Variants in FHIT observed in about 807,000 individuals in gnomAD.
FHIT encodes the protein fragile histidine triad diadenosine triphosphatase.
A neutral mutation model predicts 17.9 loss-of-function variants in FHIT; 19 were observed. The ratio of observed to expected loss-of-function variants is 1.06; its 90% confidence interval spans 0.74 to 1.56. The LOEUF is 1.56. FHIT is among the 40% of genes most tolerant of loss of function. The pLI is 0.00. For missense variants in FHIT, 248 were observed against 189.2 expected, an observed-to-expected ratio of 1.31 and a Z score of -1.82; for synonymous variants, 81 against 69.7, an observed-to-expected ratio of 1.16 and a Z score of -0.81.
chr3:61,174,882 T>C (rs992990241), intron 2 of FHIT, among the ~76,000 whole-genome samples: 1 of 152,214 alleles, frequency 6.6e-6, no homozygotes, highest in African/African-American at 2.4e-5. Context: ...GTCCTATTCA[T>C]CAGCCTTTCT....
intron 8 of FHIT, among the ~76,000 whole-genome samples, chr3:59,861,799 A>G (rs375950434): frequency 6.6e-6 from 1 of 152,208 alleles, no homozygotes; most frequent in East Asian, 1.9e-4. Flanking sequence ...CAAAAAGTTA[A>G]ATAGTAAACA....
At chr3:60,453,074 T>C (rs1029934030) in intron 5 of FHIT, among the ~76,000 whole-genome samples, 2 of 152,134 alleles carry the variant, frequency 1.3e-5, no homozygotes, top group African/African-American at 4.8e-5. Flanking sequence ...CAAAATTAAA[T>C]ACCATTAGAA....
At chr3:60,028,148 C>T (rs531019294) in intron 5 of FHIT, among the ~76,000 whole-genome samples, 6 of 149,034 alleles carry the variant, frequency 4.0e-5, no homozygotes, top group South Asian at 4.3e-4. Flanking sequence ...TGGGTGGCCA[C>T]CACCTAGAGA....
intron 5 of FHIT, among the ~76,000 whole-genome samples, chr3:60,268,273 T>G (rs1451181041): frequency 6.6e-6 from 1 of 152,224 alleles, no homozygotes; most frequent in African/African-American, 2.4e-5. Flanking sequence ...TTAAGTATGA[T>G]GTACTGTTGG....
intron 4 of FHIT, among the ~76,000 whole-genome samples, chr3:60,671,462 T>C (rs2040502432): frequency 6.6e-6 from 1 of 152,080 alleles, no homozygotes; most frequent in Admixed American, 6.6e-5. Context: ...TAGGTACAAA[T>C]GTAATATAAT....
At chr3:61,109,736 A>G (rs528004011) in intron 2 of FHIT, among the ~76,000 whole-genome samples, 4 of 152,260 alleles carry the variant, frequency 2.6e-5, no homozygotes, top group Admixed American at 2.6e-4. Context: ...ACTTGAAGGA[A>G]CCACCTCCAT....
intron 5 of FHIT, among the ~76,000 whole-genome samples, chr3:60,452,210 C>CA: frequency 6.6e-6 from 1 of 152,306 alleles, no homozygotes; most frequent in South Asian, 2.1e-4. Context: ...GCAGCAATAG[C>CA]AGCCACACTC....
chr3:60,348,766 G>C (rs966036647), intron 5 of FHIT, among the ~76,000 whole-genome samples: 1 of 152,212 alleles, frequency 6.6e-6, no homozygotes. Flanking sequence ...TCAGCAAATG[G>C]ACTTGGAAAG....
chr3:60,807,749 T>C (rs1326151788), intron 4 of FHIT, among the ~76,000 whole-genome samples: 5 of 151,966 alleles, frequency 3.3e-5, no homozygotes, highest in African/African-American at 1.2e-4. Context: ...AGTACAGCCA[T>C]GGTTTCTGCT....
At chr3:60,474,952 T>C (rs1277932167) in intron 5 of FHIT, among the ~76,000 whole-genome samples, 1 of 152,120 alleles carries the variant, frequency 6.6e-6, no homozygotes, top group Non-Finnish European at 1.5e-5. Flanking sequence ...TTTTAAATAG[T>C]ACTACTTAAA....
chr3:60,751,929 T>C (rs2042474541), intron 4 of FHIT, among the ~76,000 whole-genome samples: 3 of 152,218 alleles, frequency 2.0e-5, no homozygotes, highest in Admixed American at 6.5e-5. Flanking sequence ...TAGAATACTA[T>C]GCAGTCTTTT....
At position 60,999,875 on chromosome 3, in the gene FHIT, T is replaced by G. The variant is rs1239621618; in HGVS notation, c.-111+42172A>C. 2.0e-5 allele frequency among the ~76,000 whole-genome samples: 3 copies of G among 152,174 alleles called. No homozygotes were observed. In the East Asian group the frequency reaches 5.8e-4, roughly 30 times the overall value. Reference sequence around the variant, plus strand: ...GAAGCCCATCAAGGTACCATCAGATTTGATGTCTGGTGAGGGCCCACTTCT... The same window carrying G: ...GAAGCCCATCAAGGTACCATCAGATGTGATGTCTGGTGAGGGCCCACTTCT... On this transcript the variant is annotated intron_variant, in intron 3 of 9. Transcript: ENST00000492590.
At chr3:60,221,202 G>T (rs1385321003) in intron 5 of FHIT, among the ~76,000 whole-genome samples, 1 of 152,096 alleles carries the variant, frequency 6.6e-6, no homozygotes, top group Non-Finnish European at 1.5e-5. Context: ...GCTATGTCTA[G>T]TTTTCTTCCT....
chr3:60,464,031 T>C (rs2032640239), intron 5 of FHIT, among the ~76,000 whole-genome samples: 1 of 152,172 alleles, frequency 6.6e-6, no homozygotes, highest in Non-Finnish European at 1.5e-5. Context: ...TTGCACAGTT[T>C]GGAATCATCA....
intron 2 of FHIT, among the ~76,000 whole-genome samples, chr3:61,055,117 G>A (rs11712250): frequency 0.81 from 123,037 of 151,878 alleles, 51,152 homozygotes; most frequent in Middle Eastern, 0.93. Flanking sequence ...TGTTTTTCAG[G>A]AAAAAAAGGC....
intron 7 of FHIT, among the ~76,000 whole-genome samples, chr3:59,966,599 A>C (rs6797938): frequency 0.087 from 13,301 of 152,270 alleles, 820 homozygotes; most frequent in South Asian, 0.15. Context: ...TTAATACTGT[A>C]GTTAATGGTA....
rs12492105 is a variant in FHIT at position 61,206,249 on chromosome 3, T to A, written c.-212-5584A>T. Reference sequence around the variant, plus strand: ...TGTAGTATAGTTTGAAGTCAGGTAGTGTGATGCCTCCAGCTCTGTTCTTTT... The same window carrying A: ...TGTAGTATAGTTTGAAGTCAGGTAGAGTGATGCCTCCAGCTCTGTTCTTTT... On this transcript the variant is annotated intron_variant, in intron 1 of 9. Transcript: ENST00000492590. 1.2e-4 allele frequency among the ~76,000 whole-genome samples: 14 copies of A among 114,258 alleles called. 2 individuals are homozygous for A. In the South Asian group the frequency reaches 1.6e-3, roughly 13 times the overall value. The allele number at this position is 114,258 out of a possible 152,430, so 75.0% of individuals were successfully genotyped here. A position where few individuals can be genotyped will look rare whatever the true frequency, so the allele number is the denominator to read the frequency against.
chr3:61,220,660 T>C lies in FHIT; in HGVS notation c.-212-19995A>G, dbSNP rs545531272. Among the ~76,000 whole-genome samples, 190 of 152,340 alleles carry C rather than the reference T, an allele frequency of 1.2e-3. 4 individuals are homozygous for C. The highest frequency in any genetic ancestry group is 1.0e-3 in the Admixed American group (16 of 15,302). On this transcript the variant is annotated intron_variant, in intron 1 of 9. Coordinates refer to ENST00000492590, the MANE Select transcript of FHIT (RefSeq NM_002012.4). ...CGGACCACATCTGTCTTGTTCTATA[T>C]TAAATCTACATCTTCTAGAACACTG... is the stretch of plus-strand genomic sequence containing the variant.
chr3:60,363,554 T>A (rs1365014754), intron 5 of FHIT, among the ~76,000 whole-genome samples: 1 of 152,154 alleles, frequency 6.6e-6, no homozygotes, highest in East Asian at 1.9e-4. Flanking sequence ...AACCTGGAGA[T>A]GTGGAGTGGT....
Sources: gnomAD v4.1 joint callset for allele counts (sites outside exome capture counted in the v4.1 genomes callset) on GRCh38, gnomAD v4.1.1 for gene constraint, MANE v1.5 for transcripts, NCBI Gene and HGNC (gene_info 2026-07-23, HGNC 2026-07-21) for gene names.